PPM1H: variants seen among roughly 807,000 people sequenced by gnomAD.
PPM1H encodes protein phosphatase 1H.
In PPM1H, 27 loss-of-function variants were observed where a neutral mutation model predicts 54.9. That is an observed-to-expected ratio of 0.49 (90% CI 0.36 to 0.68). The LOEUF is 0.68. Ranked by LOEUF, PPM1H falls within the 30% of genes least tolerant of loss-of-function variation. PPM1H has a pLI of 0.00. For synonymous variants in PPM1H, 305 were observed against 270.8 expected, an observed-to-expected ratio of 1.13 and a Z score of -1.24; for missense variants, 596 against 667.8, an observed-to-expected ratio of 0.89 and a Z score of 1.19.
intron 2 of PPM1H, among the ~76,000 whole-genome samples, chr12:62,811,614 G>A (rs1323585389): frequency 1.3e-5 from 2 of 152,180 alleles, no homozygotes; most frequent in African/African-American, 2.4e-5. Context: ...GAGGGACCCT[G>A]TCGGAGGTCA....
chr12:62,732,486 T>A (rs11174623), intron 5 of PPM1H, among the ~76,000 whole-genome samples: 4,959 of 152,284 alleles, frequency 0.033, 157 homozygotes, highest in African/African-American at 0.079. Flanking sequence ...GAAAAGCATT[T>A]ACCATTTCTA....
chr12:62,664,403 G>T (rs345946), intron 9 of PPM1H, among the ~76,000 whole-genome samples: 48,189 of 151,876 alleles, frequency 0.32, 9,222 homozygotes, highest in Middle Eastern at 0.55. Context: ...TAGAAGTTTG[G>T]TTTCTATTCC....
intron 1 of PPM1H, among the ~76,000 whole-genome samples, chr12:62,929,240 T>C (rs1023369986): frequency 2.0e-5 from 3 of 152,220 alleles, no homozygotes; most frequent in African/African-American, 7.2e-5. Flanking sequence ...TATTATATTA[T>C]GAATCCAGCA....
chr12:62,775,135 G>A (rs1290515069), intron 4 of PPM1H, among the ~76,000 whole-genome samples: 8 of 152,210 alleles, frequency 5.3e-5, no homozygotes, highest in Non-Finnish European at 1.0e-4. Context: ...GGGACGGGAG[G>A]ATGGATAGAT....
chr12:62,856,463 C>G (rs1186489728), intron 1 of PPM1H, among the ~76,000 whole-genome samples: 1 of 151,968 alleles, frequency 6.6e-6, no homozygotes, highest in Non-Finnish European at 1.5e-5. Flanking sequence ...TTTGTTGTCT[C>G]TTTTTTTTAT....
intron 1 of PPM1H, among the ~76,000 whole-genome samples, chr12:62,854,947 C>G (rs1483200971): frequency 6.6e-6 from 1 of 152,114 alleles, no homozygotes. Context: ...CCCTCACCCA[C>G]AGTATAGGCT....
intron 1 of PPM1H, among the ~76,000 whole-genome samples, chr12:62,908,277 G>A (rs917727535): frequency 6.6e-6 from 1 of 151,890 alleles, no homozygotes. Flanking sequence ...CGTGATGGTG[G>A]GCGCCTGTAA....
At chr12:62,678,412 G>C (rs2075999874) in intron 8 of PPM1H, among the ~76,000 whole-genome samples, 1 of 152,208 alleles carries the variant, frequency 6.6e-6, no homozygotes, top group Non-Finnish European at 1.5e-5. Context: ...GACACATACA[G>C]GTTGGTTTCT....
intron 1 of PPM1H, among the ~76,000 whole-genome samples, chr12:62,903,726 T>G: frequency 6.7e-6 from 1 of 148,592 alleles, no homozygotes; most frequent in African/African-American, 2.4e-5. Context: ...CTAGTTGCCA[T>G]GGGGTGGGGG....
intron 1 of PPM1H, among the ~76,000 whole-genome samples, chr12:62,842,080 G>T (rs374930362): frequency 6.6e-6 from 1 of 152,158 alleles, no homozygotes; most frequent in Non-Finnish European, 1.5e-5. Flanking sequence ...GAAGGCCCCA[G>T]TGCTGCTCTG....
At chr12:62,917,491 C>A (rs1251435507) in intron 1 of PPM1H, among the ~76,000 whole-genome samples, 1 of 152,124 alleles carries the variant, frequency 6.6e-6, no homozygotes, top group Non-Finnish European at 1.5e-5. Context: ...TTGGCTGTAA[C>A]AGAACCATGT....
chr12:62,781,637 G>T (rs898398338), intron 4 of PPM1H, among the ~76,000 whole-genome samples: 13 of 152,350 alleles, frequency 8.5e-5, no homozygotes, highest in African/African-American at 2.9e-4. Flanking sequence ...AGCGAGCAGT[G>T]ATCTGCTCTC....
intron 5 of PPM1H, among the ~76,000 whole-genome samples, chr12:62,732,989 TAATG>T (rs2076331099): frequency 6.6e-6 from 1 of 152,232 alleles, no homozygotes; most frequent in African/African-American, 2.4e-5. Flanking sequence ...ATGCTTAAAA[TAATG>T]AATCAGTAGG....
intron 1 of PPM1H, among the ~76,000 whole-genome samples, chr12:62,880,621 C>T (rs1870358832): frequency 6.6e-6 from 1 of 152,208 alleles, no homozygotes; most frequent in African/African-American, 2.4e-5. Flanking sequence ...TGGGAATCAG[C>T]TGTAAAGCTG....
chr12:62,756,859 T>A (rs997521887), intron 4 of PPM1H, among the ~76,000 whole-genome samples: 2 of 151,966 alleles, frequency 1.3e-5, no homozygotes, highest in Admixed American at 6.6e-5. Flanking sequence ...CAGGAACCAG[T>A]TGGACCTAGG....
intron 6 of PPM1H, among the ~76,000 whole-genome samples, chr12:62,714,164 A>G (rs1458239305): frequency 6.6e-6 from 1 of 152,160 alleles, no homozygotes; most frequent in Non-Finnish European, 1.5e-5. Flanking sequence ...AGCAGCCACT[A>G]GCCACATGTG....
chr12:62,711,238 C>T (rs1286992044), intron 6 of PPM1H, among the ~76,000 whole-genome samples: 10 of 152,196 alleles, frequency 6.6e-5, no homozygotes, highest in African/African-American at 2.2e-4. Context: ...AGGATCCACC[C>T]GCTTCAGCCT....
intron 4 of PPM1H, among the ~76,000 whole-genome samples, chr12:62,742,768 A>G (rs2076389007): frequency 6.6e-6 from 1 of 152,232 alleles, no homozygotes; most frequent in Non-Finnish European, 1.5e-5. Context: ...TCTGAGTAAC[A>G]TTCCAGAGGT....
At chr12:62,923,622 G>A (rs1044579951) in intron 1 of PPM1H, among the ~76,000 whole-genome samples, 2 of 152,278 alleles carry the variant, frequency 1.3e-5, no homozygotes, top group South Asian at 4.1e-4. Context: ...AGCTGGTCTC[G>A]AGCTCCTGAC....
Sources: allele counts gnomAD v4.1 joint callset (sites outside exome capture counted in the v4.1 genomes callset), GRCh38; gene constraint gnomAD v4.1.1; transcripts MANE v1.5; gene names NCBI Gene and HGNC (gene_info 2026-07-23, HGNC 2026-07-21).